Variants in NCKAP5L observed in about 807,000 individuals in gnomAD.
The protein encoded by NCKAP5L is nck-associated protein 5-like.
In NCKAP5L, 54 loss-of-function variants were observed where a neutral mutation model predicts 103.2. The ratio of observed to expected loss-of-function variants is 0.52; its 90% CI spans 0.42 to 0.66. The LOEUF is 0.66. Among genes scored for constraint, NCKAP5L ranks in the 30% least tolerant of loss-of-function variants. The pLI, the probability that NCKAP5L is intolerant of heterozygous loss-of-function variation, is 0.00. For missense variants in NCKAP5L, 1,733 were observed against 1,750.6 expected (o/e 0.99, Z 0.18); for synonymous variants, 762 against 748.6 (o/e 1.02, Z -0.29).
chr12:49,812,762 G>A (rs2137028549), intron 1 of NCKAP5L, among the ~76,000 whole-genome samples: 1 of 152,236 alleles, frequency 6.6e-6, no homozygotes, highest in African/African-American at 2.4e-5. Flanking sequence ...TGAACATTTG[G>A]CTTGTTTTCA....
chr12:49,792,935 G>T lies in NCKAP5L; in HGVS notation c.3392C>A (p.Pro1131His). ...TLDSGIGTFP[P>H]PDHGSSGTPS... is the part of the protein sequence containing the mutation. ...GGTCCCACTGCTACCATGGTCTGGG[G>T]GTGGGAAGGTCCCAATGCCACTGTC... The change falls in exon 11 of 13, where the codon CCC becomes CAC. Residue 1131 changes from proline to histidine, a missense_variant. Transcript: ENST00000335999. This position sits in a 1 kb window ranked among gnomAD's most constrained non-coding sequence, Gnocchi z 4.5. 9 of 1,558,856 alleles carry T rather than the reference G, an allele frequency of 5.8e-6. No homozygotes were observed. Among genetic ancestry groups the T allele is most frequent in the Non-Finnish European group, 7.8e-6 (9 of 1,160,240 alleles).
At chr12:49,814,823 AC>A (rs1805823381) in intron 1 of NCKAP5L, among the ~76,000 whole-genome samples, 1 of 152,222 alleles carries the variant, frequency 6.6e-6, no homozygotes, top group African/African-American at 2.4e-5. Context: ...TCCACAGGGT[AC>A]TTGGTCACCC....
In NCKAP5L at chr12:49,796,915, G is replaced by T; in HGVS notation, c.945C>A (p.Asp315Glu). ...AGDPNEAPSP[D>E]TLLGALARRQ... ...TGCGGGCCAGGGCACCGAGCAGGGT[G>T]TCGGGGCTGGGTGCCTCATTGGGGT... Residue 315 changes from aspartate to glutamate, a missense_variant, in exon 8 of 13, where the codon GAC (aspartate) becomes GAA (glutamate). Asp to Glu is a conservative substitution (Grantham distance 45). Coordinates refer to ENST00000335999, the MANE Select transcript of NCKAP5L (RefSeq NM_001037806.4). 2 of 1,608,940 alleles carry T rather than the reference G, an allele frequency of 1.2e-6. No homozygotes were observed. Among genetic ancestry groups the T allele is most frequent in the Non-Finnish European group, 1.7e-6 (2 of 1,178,134 alleles).
chr12:49,821,257 C>T (rs1015038737), intron 1 of NCKAP5L, among the ~76,000 whole-genome samples: 6 of 152,200 alleles, frequency 3.9e-5, no homozygotes, highest in Admixed American at 3.9e-4. Flanking sequence ...ACCCCCATCC[C>T]CACCCCCCAA....
In NCKAP5L at chr12:49,796,152, G is replaced by T. The variant is rs749599941; in HGVS notation, c.1708C>A (p.Pro570Thr). Residue 570 changes from proline to threonine, a missense_variant, in exon 8 of 13, where the codon CCT (proline) becomes ACT (threonine). Pro to Thr is a conservative substitution (Grantham distance 38). Transcript: ENST00000335999. ...GGGGATGGAGGTGGCTCTGGGGAAG[G>T]CCCCCTAAAGGTGCTCCGAGAAAGG... ...LDLSRSTFRG[P>T]SPEPPPSPLQ... 3 of 1,611,068 alleles carry T rather than the reference G, an allele frequency of 1.9e-6. No individual in the cohort carries two copies. Among genetic ancestry groups the T allele is most frequent in the South Asian group, 1.1e-5 (1 of 90,822 alleles).
chr12:49,796,215 C>T lies in NCKAP5L; in HGVS notation c.1645G>A (p.Gly549Ser). ...QSALSTTLSP[G>S]PVVSPCYENI... ...TCATAGCAGGGAGACACCACTGGGCCTGGGGACAGCGTGGTGGACAAGGCT... is the reference window on the plus strand; with the variant it reads ...TCATAGCAGGGAGACACCACTGGGCTTGGGGACAGCGTGGTGGACAAGGCT... Residue 549 changes from glycine (G) to serine (S), a missense_variant, in exon 8 of 13, where the codon GGC becomes AGC. Physicochemically the swap from Gly to Ser is moderately conservative, Grantham distance 56 (BLOSUM62 0). Transcript: ENST00000335999. 6.3e-7 allele frequency: 1 copy of T among 1,590,952 alleles called. No homozygotes were observed. The highest frequency in any genetic ancestry group is 8.6e-7 in the Non-Finnish European group (1 of 1,169,294).
At chr12:49,803,837 C>T in intron 3 of NCKAP5L, 85 bp downstream of exon 3, 5 of 1,519,476 alleles carry the variant, frequency 3.3e-6, no homozygotes, top group Non-Finnish European at 4.4e-6. Context: ...ACCCAAAAAC[C>T]TGCAGGAAGC....
chr12:49,796,938 G>T lies in NCKAP5L; in HGVS notation c.922C>A (p.Pro308Thr). ...SSSSSDEAGD[P>T]NEAPSPDTLL... ...GTGTCGGGGCTGGGTGCCTCATTGGGGTCACCTGCCTCATCAGAAGAGGAG... is the reference window on the plus strand; with the variant it reads ...GTGTCGGGGCTGGGTGCCTCATTGGTGTCACCTGCCTCATCAGAAGAGGAG... The change falls in exon 8 of 13, where the codon CCC becomes ACC. Residue 308 changes from proline to threonine, a missense_variant. By Grantham distance (38) the Pro-to-Thr change is conservative (BLOSUM62 -1). Transcript: ENST00000335999. The T allele has an allele frequency of 1.2e-6, 2 of 1,606,290 alleles. No homozygotes were observed. Among genetic ancestry groups the T allele is most frequent in the Non-Finnish European group, 1.7e-6 (2 of 1,176,984 alleles).
intron 2 of NCKAP5L, 98 bp downstream of exon 2, chr12:49,805,882 C>T (rs1156286390): frequency 6.6e-6 from 1 of 152,180 alleles, no homozygotes; most frequent in African/African-American, 2.4e-5. Flanking sequence ...CAGCAGCTCA[C>T]CATCGAGCCA....
At position 49,792,832 on chromosome 12, in the gene NCKAP5L, G is replaced by C. The variant is rs756799178; in HGVS notation, c.3495C>G (p.Pro1165=). 6.3e-7 allele frequency: 1 copy of C among 1,577,450 alleles called. No homozygotes were observed. Among genetic ancestry groups the C allele is most frequent in the Non-Finnish European group, 8.6e-7 (1 of 1,165,958 alleles). ...GGGCGCGGCGGGGGACTTTGGTAAG[G>C]GGTGGGGGCCGAGCTGGGGGTACCC... ...PPGVPPARPP[P]LTKVPRRAHT... is the part of the protein sequence containing the mutation. Residue 1165 remains proline (P), a synonymous_variant, in exon 11 of 13, where the codon CCC becomes CCG. Coordinates refer to ENST00000335999, the MANE Select transcript of NCKAP5L (RefSeq NM_001037806.4). This position sits in a 1 kb window ranked among gnomAD's most constrained non-coding sequence, Gnocchi z 4.5.
rs377387101 is a variant in NCKAP5L, at chr12:49,819,966, A to C, written c.-99+8356T>G. Reference sequence around the variant, plus strand: ...ACCTCTGGGTGTATATGGAACCAGAATGACTCAGTGCAGCTGGATCTAAGG... The same window carrying C: ...ACCTCTGGGTGTATATGGAACCAGACTGACTCAGTGCAGCTGGATCTAAGG... On this transcript the variant is annotated intron_variant, in intron 1 of 12. Transcript: ENST00000335999. 7.9e-5 allele frequency among the ~76,000 whole-genome samples: 12 copies of C among 152,360 alleles called. No individual in the cohort carries two copies. In the East Asian group the frequency reaches 1.9e-3, roughly 24 times the overall value.
chr12:49,795,594 A>G lies in NCKAP5L; in HGVS notation c.2266T>C (p.Ser756Pro). 6.3e-7 allele frequency: 1 copy of G among 1,578,622 alleles called. No homozygotes were observed. The highest frequency in any genetic ancestry group is 1.4e-5 in the African/African-American group (1 of 73,952). The change falls in exon 8 of 13, where the codon TCC (serine) becomes CCC (proline). Residue 756 changes from serine (S) to proline (P), a missense_variant. Physicochemically the swap from Ser to Pro is moderately conservative, Grantham distance 74. Transcript: ENST00000335999. Reference sequence around the variant, plus strand: ...TCCAGGTCCACCCGGGCCCCCATGGAGTGAGAGGAGTAGACTCGGGCCCCG... The same window carrying G: ...TCCAGGTCCACCCGGGCCCCCATGGGGTGAGAGGAGTAGACTCGGGCCCCG... ...DPGARVYSSH[S>P]MGARVDLEPV...
At chr12:49,816,507 A>AAAAAT (rs1946298517) in intron 1 of NCKAP5L, among the ~76,000 whole-genome samples, 1 of 151,006 alleles carries the variant, frequency 6.6e-6, no homozygotes, top group Non-Finnish European at 1.5e-5. Flanking sequence ...AAAAAAAAAA[A>AAAAAT]AAAAAAAAAA....
intron 1 of NCKAP5L, among the ~76,000 whole-genome samples, chr12:49,827,000 A>G (rs974758962): frequency 7.2e-5 from 11 of 152,206 alleles, no homozygotes; most frequent in Non-Finnish European, 1.2e-4. Flanking sequence ...TCTTTGGGAT[A>G]GGAAACCCAC....
At position 49,791,768 on chromosome 12, in the gene NCKAP5L, G is replaced by T; in HGVS notation, c.*71C>A. ...CAGGGAGGGGTCCCCGTCTCCGGGG[G>T]CTGGGCATGAAGAGAGCCGGTCCAG... On this transcript the variant is annotated 3_prime_UTR_variant, in exon 13 of 13. Transcript: ENST00000335999. 2 of 1,366,844 alleles carry T rather than the reference G, an allele frequency of 1.5e-6. No homozygotes were observed. Among genetic ancestry groups the T allele is most frequent in the Admixed American group, 2.8e-5 (1 of 36,344 alleles). The allele number at this position is 1,366,844 out of a possible 1,614,324, so 84.7% of individuals were successfully genotyped here.
Position 49,807,484 on chromosome 12 carries a change from C to T in NCKAP5L, c.-98-1443G>A, listed in dbSNP as rs1045822243. 6.6e-5 allele frequency among the ~76,000 whole-genome samples: 10 copies of T among 152,058 alleles called. 1 individual carries two copies. Among genetic ancestry groups the T allele is most frequent in the South Asian group, 6.2e-4 (3 of 4,822 alleles). Reference sequence around the variant, plus strand: ...TCCCAAGTGGCTGGGATGAGAGGCACGAGTCACTGTGCCTGGCCTCTAATG... The same window carrying T: ...TCCCAAGTGGCTGGGATGAGAGGCATGAGTCACTGTGCCTGGCCTCTAATG... On this transcript the variant is annotated intron_variant, in intron 1 of 12. Coordinates refer to ENST00000335999, the MANE Select transcript of NCKAP5L (RefSeq NM_001037806.4).
rs555652019 is a variant in NCKAP5L, at chr12:49,816,903, T to C, written c.-98-10862A>G. Among the ~76,000 whole-genome samples the C allele has an allele frequency of 6.6e-5, 10 of 152,030 alleles. 1 individual carries two copies. In the South Asian group the frequency reaches 1.9e-3, roughly 28 times the overall value. On this transcript the variant is annotated intron_variant, in intron 1 of 12. Transcript: ENST00000335999. The stretch of plus-strand genomic sequence containing the variant: ...ACAGATATTTCTGAACCGACAAACT[T>C]ACTAGGAAATGCAATGCTTGGGTAT...
chr12:49,822,057 C>T (rs1174480536), intron 1 of NCKAP5L, among the ~76,000 whole-genome samples: 1 of 152,106 alleles, frequency 6.6e-6, no homozygotes, highest in Non-Finnish European at 1.5e-5. Flanking sequence ...GTAAATAGGT[C>T]ATGGAGGTGG....
At chr12:49,812,419 T>C (rs1312169074) in intron 1 of NCKAP5L, among the ~76,000 whole-genome samples, 1 of 151,912 alleles carries the variant, frequency 6.6e-6, no homozygotes, top group East Asian at 1.9e-4. Context: ...GTTTCACTCA[T>C]GTTGCCCAGG....
Sources: allele counts gnomAD v4.1 joint callset (sites outside exome capture counted in the v4.1 genomes callset), GRCh38; gene constraint gnomAD v4.1.1; non-coding constraint Gnocchi (gnomAD v3.1); transcripts MANE v1.5; gene names NCBI Gene and HGNC (gene_info 2026-07-23, HGNC 2026-07-21).